RHOU: variants seen among roughly 807,000 people sequenced by gnomAD.
The protein encoded by RHOU is ras homolog family member U, also known as rho-related GTP-binding protein RhoU.
In RHOU, 8 loss-of-function variants were observed where a neutral mutation model predicts 12.6. The ratio of observed to expected loss-of-function variants is 0.64; its 90% CI spans 0.37 to 1.15. The LOEUF (loss-of-function observed/expected upper bound fraction) is 1.15, where lower values mean the gene tolerates loss of function less well. Among genes scored for constraint, RHOU ranks in the 50% most tolerant of loss-of-function variants. RHOU has a pLI of 0.01. For missense variants in RHOU, 258 were observed against 347.0 expected (o/e 0.74, Z 2.04); for synonymous variants, 161 against 147.4 (o/e 1.09, Z -0.67).
the RHOU span, among the ~76,000 whole-genome samples, chr1:228,652,179 G>T: frequency 2.6e-5 from 4 of 152,190 alleles, no homozygotes; most frequent in African/African-American, 9.6e-5. Context: ...CAAGGTGGCG[G>T]CACCAGGTGC....
At chr1:228,671,574 C>G in the RHOU span, among the ~76,000 whole-genome samples, 2 of 151,490 alleles carry the variant, frequency 1.3e-5, no homozygotes, top group Non-Finnish European at 2.9e-5. Context: ...AAAATTAGCC[C>G]AGCATGGTGG....
the RHOU span, among the ~76,000 whole-genome samples, chr1:228,659,035 C>T: frequency 6.6e-6 from 1 of 152,088 alleles, no homozygotes; most frequent in African/African-American, 2.4e-5. Flanking sequence ...ACAGTAAAAG[C>T]AGTGCTAACA....
the RHOU span, among the ~76,000 whole-genome samples, chr1:228,661,393 C>A: frequency 2.6e-5 from 4 of 152,124 alleles, no homozygotes; most frequent in South Asian, 8.3e-4. Context: ...GCAAAAAGAA[C>A]AAAGCTGGAG....
chr1:228,737,649 T>C lies in RHOU; in HGVS notation c.263-24T>C. The C allele has an allele frequency of 6.2e-7, 1 of 1,613,038 alleles. No homozygotes were observed. Among genetic ancestry groups the C allele is most frequent in the Non-Finnish European group, 8.5e-7 (1 of 1,179,024 alleles). ...AAGGGGTTAAAAGACACCTCCTGAT[T>C]GTCATTTTGGTTTTGTTTTTAAGCG... On this transcript the variant is annotated intron_variant, in intron 1 of 2. Transcript: ENST00000366691. The surrounding 1 kb of genome is among the most constrained non-coding windows in gnomAD (Gnocchi z 4.1).
chr1:228,652,156 A>C, the RHOU span, among the ~76,000 whole-genome samples: 1 of 152,244 alleles, frequency 6.6e-6, no homozygotes, highest in African/African-American at 2.4e-5. Context: ...CATAGACTAA[A>C]AAATCATACC....
the RHOU span, among the ~76,000 whole-genome samples, chr1:228,675,732 A>G: frequency 6.6e-6 from 1 of 152,198 alleles, no homozygotes; most frequent in Non-Finnish European, 1.5e-5. Context: ...AAAACTTAAC[A>G]AAACTATTGG....
chr1:228,693,892 T>C, the RHOU span, among the ~76,000 whole-genome samples: 12 of 152,244 alleles, frequency 7.9e-5, no homozygotes, highest in African/African-American at 2.9e-4. Context: ...TGAATGAAAT[T>C]AAAGCATTAG....
At chr1:228,663,499 ATTGAGT>A in the RHOU span, among the ~76,000 whole-genome samples, 1 of 152,044 alleles carries the variant, frequency 6.6e-6, no homozygotes, top group African/African-American at 2.4e-5. Flanking sequence ...TATTCTTACT[ATTGAGT>A]TTAAGAAGAA....
chr1:228,689,056 T>C, the RHOU span, among the ~76,000 whole-genome samples: 3 of 152,154 alleles, frequency 2.0e-5, no homozygotes, highest in African/African-American at 7.2e-5. Context: ...CTCTCCTCCT[T>C]CTCCGCCTGA....
the RHOU span, among the ~76,000 whole-genome samples, chr1:228,674,351 T>TG: frequency 6.6e-6 from 1 of 151,294 alleles, no homozygotes; most frequent in Non-Finnish European, 1.5e-5. Flanking sequence ...AGTACCTTTT[T>TG]TTTTTTTTTT....
chr1:228,726,199 C>T, the RHOU span, among the ~76,000 whole-genome samples: 1 of 152,166 alleles, frequency 6.6e-6, no homozygotes, highest in African/African-American at 2.4e-5. Flanking sequence ...CGTACGTACT[C>T]ATGTGTACTG....
At chr1:228,720,784 A>G in the RHOU span, among the ~76,000 whole-genome samples, 28 of 152,230 alleles carry the variant, frequency 1.8e-4, no homozygotes, top group Non-Finnish European at 2.5e-4. Flanking sequence ...TCAGATAAAT[A>G]AAATGACTTG....
At chr1:228,658,002 C>G in the RHOU span, among the ~76,000 whole-genome samples, 6 of 152,080 alleles carry the variant, frequency 3.9e-5, no homozygotes, top group South Asian at 1.2e-3. Flanking sequence ...GGACAGTGGC[C>G]TGGGGTGGTG....
At chr1:228,669,038 TC>T in the RHOU span, among the ~76,000 whole-genome samples, 1 of 152,180 alleles carries the variant, frequency 6.6e-6, no homozygotes, top group Admixed American at 6.5e-5. Flanking sequence ...GAAGTGGGTG[TC>T]CCTGGAGGGC....
the RHOU span, among the ~76,000 whole-genome samples, chr1:228,723,139 C>A: frequency 6.6e-6 from 1 of 151,940 alleles, no homozygotes; most frequent in African/African-American, 2.4e-5. Context: ...TGATACCACT[C>A]CGATGAGTGG....
chr1:228,722,389 T>C, the RHOU span, among the ~76,000 whole-genome samples: 1 of 152,246 alleles, frequency 6.6e-6, no homozygotes, highest in East Asian at 1.9e-4. Context: ...TCATCCTTCG[T>C]TGCTGATGAA....
At position 228,743,136 on chromosome 1, in the gene RHOU, A is replaced by T; in HGVS notation, c.322-149A>T. The T allele has an allele frequency of 1.3e-6, 1 of 771,658 alleles. No individual in the cohort carries two copies. The highest frequency in any genetic ancestry group is 2.3e-5 in the Admixed American group (1 of 43,794). 47.8% of individuals were successfully genotyped at this position (771,658 alleles called of 1,614,324 possible). On this transcript the variant is annotated intron_variant, in intron 2 of 2. Coordinates refer to ENST00000366691, the MANE Select transcript of RHOU (RefSeq NM_021205.6). The surrounding 1 kb of genome is among the most constrained non-coding windows in gnomAD (Gnocchi z 5.1). ...CACTGGCCCCGCTTGGGTAAACAGTAGGATCGTTTCAAGGATGCTGGCTCT... is the reference window on the plus strand; with the variant it reads ...CACTGGCCCCGCTTGGGTAAACAGTTGGATCGTTTCAAGGATGCTGGCTCT...
the RHOU span, chr1:228,651,461 T>C: frequency 1.3e-5 from 2 of 152,992 alleles, no homozygotes; most frequent in Admixed American, 1.3e-4. Flanking sequence ...ATCTGTGCAA[T>C]ACTGAAGACC....
chr1:228,650,733 G>T, the RHOU span: 1 of 458,564 alleles, frequency 2.2e-6, no homozygotes. Context: ...ATCAACTACA[G>T]GCCAGCTTAT....
Sources: allele counts gnomAD v4.1 joint callset (sites outside exome capture counted in the v4.1 genomes callset), GRCh38; gene constraint gnomAD v4.1.1; non-coding constraint Gnocchi (gnomAD v3.1); transcripts MANE v1.5; gene names NCBI Gene and HGNC (gene_info 2026-07-23, HGNC 2026-07-21).